CGNL1: variants seen among roughly 807,000 people sequenced by gnomAD.
CGNL1 encodes the protein cingulin like 1.
A neutral mutation model predicts 141.2 loss-of-function variants in CGNL1; 132 were observed. That is an observed-to-expected ratio of 0.93 (90% CI 0.81 to 1.08). The LOEUF (loss-of-function observed/expected upper bound fraction) is 1.08. Among genes scored for constraint, CGNL1 ranks in the 50% least tolerant of loss-of-function variants. CGNL1 has a pLI of 0.00. For missense variants in CGNL1, 1,870 were observed against 1,588.6 expected (o/e 1.18, Z -3.01); for synonymous variants, 690 against 622.1 (o/e 1.11, Z -1.63).
chr15:57,447,752 T>C (rs1170776324), intron 4 of CGNL1, among the ~76,000 whole-genome samples: 2 of 152,018 alleles, frequency 1.3e-5, no homozygotes, highest in Non-Finnish European at 2.9e-5. Flanking sequence ...ACATGTATCT[T>C]AGAAATTTTG....
At chr15:57,430,231 A>G (rs569806959) in intron 1 of CGNL1, among the ~76,000 whole-genome samples, 3 of 152,348 alleles carry the variant, frequency 2.0e-5, no homozygotes, top group South Asian at 4.1e-4. Context: ...TCCAGAGCCA[A>G]TATTGGACTT....
At chr15:57,380,811 C>T (rs1484540953) in intron 1 of CGNL1, among the ~76,000 whole-genome samples, 1 of 152,182 alleles carries the variant, frequency 6.6e-6, no homozygotes, top group Non-Finnish European at 1.5e-5. Context: ...CCATTTTTGG[C>T]ACATTAGTAA....
chr15:57,392,693 A>C (rs2062556416), intron 1 of CGNL1, among the ~76,000 whole-genome samples: 1 of 152,206 alleles, frequency 6.6e-6, no homozygotes, highest in South Asian at 2.1e-4. Context: ...GATCTGGATA[A>C]TAAAGCTGTA....
At chr15:57,466,730 C>G (rs988263638) in intron 8 of CGNL1, among the ~76,000 whole-genome samples, 6 of 152,086 alleles carry the variant, frequency 3.9e-5, no homozygotes, top group Non-Finnish European at 8.8e-5. Flanking sequence ...GAAGACCAAC[C>G]ATTAGACTGT....
chr15:57,445,263 AAAC>A (rs1259155264), intron 4 of CGNL1, among the ~76,000 whole-genome samples: 2 of 152,204 alleles, frequency 1.3e-5, no homozygotes, highest in African/African-American at 4.8e-5. Flanking sequence ...TGTCTCTTAA[AAAC>A]AACAACAAAA....
chr15:57,546,179 A>G lies in CGNL1; in HGVS notation c.3713A>G (p.Glu1238Gly), dbSNP rs2032855624. ...AAGAAGCTGCAGAGGGAGCTGGAGG[A>G]GCAGATGGACATGAATGAGCATCTG... is the stretch of plus-strand genomic sequence containing the variant. The part of the protein sequence containing the change: ...SKKKLQRELE[E>G]QMDMNEHLQG... The change falls in exon 18 of 19, where the codon GAG (glutamate) becomes GGG (glycine). Residue 1238 changes from glutamate to glycine, a missense_variant. Transcript: ENST00000281282. The G allele has an allele frequency of 6.2e-7, 1 of 1,609,850 alleles. No homozygotes were observed. Among genetic ancestry groups the G allele is most frequent in the African/African-American group, 1.3e-5 (1 of 74,876 alleles).
At chr15:57,487,862 T>C (rs186159132) in intron 8 of CGNL1, among the ~76,000 whole-genome samples, 1 of 152,344 alleles carries the variant, frequency 6.6e-6, no homozygotes, top group African/African-American at 2.4e-5. Flanking sequence ...TCTCTGGATA[T>C]AGTTTTCGAG....
chr15:57,492,296 G>A (rs559008003), intron 8 of CGNL1, among the ~76,000 whole-genome samples: 20 of 152,138 alleles, frequency 1.3e-4, no homozygotes, highest in Non-Finnish European at 2.9e-4. Flanking sequence ...CAAAAGATGA[G>A]GTGGGCCTAA....
At chr15:57,383,115 T>C (rs1022714017) in intron 1 of CGNL1, among the ~76,000 whole-genome samples, 1 of 152,168 alleles carries the variant, frequency 6.6e-6, no homozygotes, top group South Asian at 2.1e-4. Flanking sequence ...GCCTCCGTCC[T>C]TGCCCTAATC....
Position 57,438,731 on chromosome 15 carries a change from G to C in CGNL1, c.732G>C (p.Arg244Ser), listed in dbSNP as rs2063141536. 2 of 1,614,014 alleles carry C rather than the reference G, an allele frequency of 1.2e-6. No individual in the cohort carries two copies. The highest frequency in any genetic ancestry group is 1.7e-6 in the Non-Finnish European group (2 of 1,180,036). The part of the protein sequence containing the change: ...CVNVQSCTKE[R>S]VGEEALFTSG... Reference sequence around the variant, plus strand: ...ACGTTCAGAGCTGCACCAAGGAGAGGGTGGGAGAGGAGGCCCTTTTCACTA... The same window carrying C: ...ACGTTCAGAGCTGCACCAAGGAGAGCGTGGGAGAGGAGGCCCTTTTCACTA... Residue 244 changes from arginine to serine, a missense_variant, in exon 2 of 19, where the codon AGG (arginine) becomes AGC (serine). Physicochemically the swap from Arg to Ser is moderately radical, Grantham distance 110. Transcript: ENST00000281282.
At chr15:57,474,663 T>C (rs1166767392) in intron 8 of CGNL1, among the ~76,000 whole-genome samples, 2 of 152,262 alleles carry the variant, frequency 1.3e-5, no homozygotes, top group East Asian at 3.8e-4. Context: ...ATTTCCTCTC[T>C]TGTAAAGGGA....
At chr15:57,501,187 G>C (rs1215032986) in intron 8 of CGNL1, among the ~76,000 whole-genome samples, 1 of 152,188 alleles carries the variant, frequency 6.6e-6, no homozygotes, top group African/African-American at 2.4e-5. Context: ...TCCTGGTGTG[G>C]TTTTCAGCCT....
intron 1 of CGNL1, among the ~76,000 whole-genome samples, chr15:57,398,793 C>A (rs1706403): frequency 0.57 from 86,217 of 152,006 alleles, 24,715 homozygotes; most frequent in African/African-American, 0.61. Flanking sequence ...TAGAGAACAC[C>A]GTACTTTATC....
chr15:57,503,770 A>G (rs1183020454), intron 8 of CGNL1, among the ~76,000 whole-genome samples: 1 of 152,198 alleles, frequency 6.6e-6, no homozygotes, highest in Non-Finnish European at 1.5e-5. Context: ...AATGAGGAAG[A>G]TACAGAAGCG....
chr15:57,507,022 C>A (rs187992640), intron 8 of CGNL1, among the ~76,000 whole-genome samples: 20 of 152,278 alleles, frequency 1.3e-4, no homozygotes, highest in Admixed American at 5.2e-4. Flanking sequence ...TAGCCACCAT[C>A]GCTATCTAAT....
chr15:57,460,818 C>T (rs940459575), intron 7 of CGNL1, among the ~76,000 whole-genome samples: 1 of 152,062 alleles, frequency 6.6e-6, no homozygotes, highest in South Asian at 2.1e-4. Flanking sequence ...TAGAGCCAAA[C>T]CATGTCAATA....
At chr15:57,393,290 G>A (rs1664450) in intron 1 of CGNL1, among the ~76,000 whole-genome samples, 6,353 of 152,196 alleles carry the variant, frequency 0.042, 454 homozygotes, top group African/African-American at 0.15. Flanking sequence ...TTCAGACAAT[G>A]ATAATATCGT....
In CGNL1 at chr15:57,439,427, T is replaced by C. The variant is rs538506830; in HGVS notation, c.1428T>C (p.Ser476=). ...IDGKVLETEG[S]QESTVIRAPS... is the part of the protein sequence containing the mutation. Reference sequence around the variant, plus strand: ...GGAAAGTTCTGGAAACCGAAGGTAGTCAGGAAAGTACAGTGATCCGTGCGC... The same window carrying C: ...GGAAAGTTCTGGAAACCGAAGGTAGCCAGGAAAGTACAGTGATCCGTGCGC... The change falls in exon 2 of 19, where the codon AGT becomes AGC. Residue 476 remains serine, a synonymous_variant. Coordinates refer to ENST00000281282, the MANE Select transcript of CGNL1 (RefSeq NM_032866.5). 73 of 1,614,132 alleles carry C rather than the reference T, an allele frequency of 4.5e-5. No homozygotes were observed. Among genetic ancestry groups the C allele is most frequent in the Non-Finnish European group, 5.8e-5 (69 of 1,180,026 alleles).
chr15:57,541,849 C>A (rs1392930333), intron 14 of CGNL1, among the ~76,000 whole-genome samples: 1 of 152,202 alleles, frequency 6.6e-6, no homozygotes, highest in African/African-American at 2.4e-5. Context: ...GATTTAGATG[C>A]CTGCCAGTTA....
Sources: gnomAD v4.1 joint callset for allele counts (sites outside exome capture counted in the v4.1 genomes callset) on GRCh38, gnomAD v4.1.1 for gene constraint, MANE v1.5 for transcripts, NCBI Gene and HGNC (gene_info 2026-07-23, HGNC 2026-07-21) for gene names.